CFAP43: variants seen among roughly 807,000 people sequenced by gnomAD.
CFAP43 encodes cilia- and flagella-associated protein 43.
CFAP43 carries 155 observed loss-of-function variants against 218.9 expected under a neutral mutation model. The observed-to-expected ratio is 0.71, with a 90% CI of 0.62 to 0.81. The LOEUF (loss-of-function observed/expected upper bound fraction) is 0.81, where lower values mean the gene tolerates loss of function less well. Among genes scored for constraint, CFAP43 ranks in the 30% least tolerant of loss-of-function variants. CFAP43 has a pLI of 0.00. For missense variants in CFAP43, 1,778 were observed against 1,954.3 expected, an observed-to-expected ratio of 0.91 and a Z score of 1.70; for synonymous variants, 645 against 681.3, an observed-to-expected ratio of 0.95 and a Z score of 0.83.
chr10:104,211,994 G>A lies in CFAP43; in HGVS notation c.735+13C>T. The A allele has an allele frequency of 1.9e-6, 3 of 1,610,042 alleles. No homozygotes were observed. The highest frequency in any genetic ancestry group is 2.5e-6 in the Non-Finnish European group (3 of 1,177,344). On this transcript the variant is annotated intron_variant, in intron 5 of 37. Transcript: ENST00000357060. ...ACCCATTAGGCAAACAGGAAGAGGT[G>A]CCAGGTAATTACCCGGAAAGTCTCT...
chr10:104,225,588 A>C, intron 2 of CFAP43, 31 bp from the exon 3 acceptor site: 1 of 1,569,920 alleles, frequency 6.4e-7, no homozygotes, highest in Non-Finnish European at 8.7e-7. Flanking sequence ...TCAGGATTTG[A>C]TTATGTTAAG....
At chr10:104,146,474 T>C in intron 29 of CFAP43, 125 bp from the exon 30 acceptor site, 1 of 676,326 alleles carries the variant, frequency 1.5e-6, no homozygotes, top group Non-Finnish European at 2.5e-6. Context: ...GAAGTATTTA[T>C]TCATGAAGAT....
At chr10:104,198,833 T>C (rs991427032) in intron 8 of CFAP43, among the ~76,000 whole-genome samples, 4 of 151,884 alleles carry the variant, frequency 2.6e-5, no homozygotes, top group Admixed American at 1.3e-4. Flanking sequence ...GTATTTTTAC[T>C]AGAGATGGGG....
At chr10:104,203,223 G>T (rs74154752) in intron 8 of CFAP43, among the ~76,000 whole-genome samples, 2 of 152,240 alleles carry the variant, frequency 1.3e-5, no homozygotes, top group African/African-American at 4.8e-5. Flanking sequence ...TGATTGACCC[G>T]GGGTAGACAC....
At chr10:104,190,489 A>T (rs1218894200) in intron 12 of CFAP43, among the ~76,000 whole-genome samples, 1 of 152,200 alleles carries the variant, frequency 6.6e-6, no homozygotes, top group East Asian at 1.9e-4. Context: ...CTGTTGAGCC[A>T]TCTCATCAGC....
In CFAP43 at chr10:104,190,030, C is replaced by T. The variant is rs61108674; in HGVS notation, c.1547-1620G>A. Among the ~76,000 whole-genome samples, 236 of 146,034 alleles carry T rather than the reference C, an allele frequency of 1.6e-3. 1 individual carries two copies. The highest frequency in any genetic ancestry group is 5.4e-3 in the African/African-American group (214 of 39,790). ...ACAAATACAAAAAATTAGCCTGGCG[C>T]GGTGGCGGGCGCCTGTAGGCCCAGC... On this transcript the variant is annotated intron_variant, in intron 12 of 37. Coordinates refer to ENST00000357060, the MANE Select transcript of CFAP43 (RefSeq NM_025145.7).
intron 25 of CFAP43, 48 bp downstream of exon 25, chr10:104,162,269 C>G: frequency 6.5e-7 from 1 of 1,543,100 alleles, no homozygotes; most frequent in East Asian, 2.2e-5. Flanking sequence ...AAGCAGTATC[C>G]CTAAAGCAAA....
At chr10:104,175,575 C>T (rs978045610) in intron 19 of CFAP43, among the ~76,000 whole-genome samples, 3 of 152,068 alleles carry the variant, frequency 2.0e-5, no homozygotes, top group East Asian at 1.9e-4. Flanking sequence ...ACATAAAACA[C>T]GATATCCAAA....
chr10:104,147,768 G>A (rs2088046306), intron 29 of CFAP43, 123 bp downstream of exon 29: 3 of 515,468 alleles, frequency 5.8e-6, no homozygotes, highest in African/African-American at 3.9e-5. Flanking sequence ...GCCAAGGGAT[G>A]CACATGGTTA....
intron 12 of CFAP43, 105 bp from the exon 13 acceptor site, chr10:104,188,515 C>G: frequency 1.4e-6 from 2 of 1,382,108 alleles, no homozygotes; most frequent in Non-Finnish European, 1.9e-6. Flanking sequence ...TTCACTATAT[C>G]TTTAGAATCA....
At chr10:104,225,419 T>C in intron 3 of CFAP43, 42 bp downstream of exon 3, 3 of 1,445,832 alleles carry the variant, frequency 2.1e-6, no homozygotes, top group East Asian at 2.4e-5. Context: ...AAGAGGAAAA[T>C]GTAACCCAGT....
In CFAP43 at chr10:104,166,095, G is replaced by A. The variant is rs181952892; in HGVS notation, c.3039+393C>T. Among the ~76,000 whole-genome samples the A allele has an allele frequency of 8.5e-5, 13 of 152,174 alleles. No individual in the cohort carries two copies. The East Asian group carries it at 2.3e-3, about 27-fold the overall frequency. ...TTTATTTATTTTGAGACAGTGTCTC[G>A]CTCTGTTGCCAGGCTGGAGTGCAGA... On this transcript the variant is annotated intron_variant, in intron 23 of 37. Coordinates refer to ENST00000357060, the MANE Select transcript of CFAP43 (RefSeq NM_025145.7).
At chr10:104,132,328 T>G (rs555028601) in intron 35 of CFAP43, 132 bp from the exon 36 acceptor site, 471 of 736,432 alleles carry the variant, frequency 6.4e-4, no homozygotes, top group Non-Finnish European at 9.0e-4. Flanking sequence ...TTGATTTGGC[T>G]TGGCCAGGCG....
intron 8 of CFAP43, 92 bp downstream of exon 8, chr10:104,203,580 G>A: frequency 1.6e-6 from 2 of 1,268,674 alleles, no homozygotes; most frequent in Non-Finnish European, 2.2e-6. Context: ...GAGTACCACT[G>A]TGCAGCATAC....
Position 104,186,073 on chromosome 10 carries a change from T to C in CFAP43, c.1911A>G (p.Arg637=), listed in dbSNP as rs528111708. 6.3e-7 allele frequency: 1 copy of C among 1,583,318 alleles called. No individual in the cohort carries two copies. Among genetic ancestry groups the C allele is most frequent in the African/African-American group, 1.4e-5 (1 of 72,996 alleles). Residue 637 remains arginine, a synonymous_variant, in exon 15 of 38, where the codon AGA becomes AGG. Coordinates refer to ENST00000357060, the MANE Select transcript of CFAP43 (RefSeq NM_025145.7). The part of the protein sequence containing the change: ...ILKPYKKVQS[R]QYGPGLLYLS... Reference sequence around the variant, plus strand: ...GATAGAGCAGTCCAGGTCCATACTGTCTGCTTTGTACTTTTTTGTATGGTT... The same window carrying C: ...GATAGAGCAGTCCAGGTCCATACTGCCTGCTTTGTACTTTTTTGTATGGTT...
intron 3 of CFAP43, among the ~76,000 whole-genome samples, chr10:104,214,675 A>C (rs532881843): frequency 1.3e-5 from 2 of 152,330 alleles, no homozygotes; most frequent in East Asian, 3.9e-4. Context: ...TATCTTCTTT[A>C]ATAATTTTGC....
intron 31 of CFAP43, among the ~76,000 whole-genome samples, chr10:104,144,676 G>C (rs2087874205): frequency 1.3e-5 from 2 of 152,048 alleles, no homozygotes; most frequent in South Asian, 4.1e-4. Flanking sequence ...AAAACAAGAG[G>C]CATGTTCTAG....
intron 28 of CFAP43, among the ~76,000 whole-genome samples, chr10:104,149,956 C>A (rs1260287774): frequency 1.3e-5 from 2 of 152,134 alleles, no homozygotes; most frequent in African/African-American, 4.8e-5. Context: ...CTCCTCCTCC[C>A]CACAAAAGCA....
chr10:104,142,270 C>A lies in CFAP43; in HGVS notation c.4271+11G>T. ...TTGAATAGGTGAACATGAAAGAAAGCTTCAAATTACAGGATGAGTTCATGG... is the reference window on the plus strand; with the variant it reads ...TTGAATAGGTGAACATGAAAGAAAGATTCAAATTACAGGATGAGTTCATGG... On this transcript the variant is annotated intron_variant, in intron 33 of 37. Transcript: ENST00000357060. 1 of 1,603,382 alleles carries A rather than the reference C, an allele frequency of 6.2e-7. No individual in the cohort carries two copies. Among genetic ancestry groups the A allele is most frequent in the Non-Finnish European group, 8.5e-7 (1 of 1,174,090 alleles).
Sources: gnomAD v4.1 joint callset for allele counts (sites outside exome capture counted in the v4.1 genomes callset) on GRCh38, gnomAD v4.1.1 for gene constraint, MANE v1.5 for transcripts, NCBI Gene and HGNC (gene_info 2026-07-23, HGNC 2026-07-21) for gene names.